Variants in EVI5 observed in about 807,000 individuals in gnomAD.
The protein encoded by EVI5 is ecotropic viral integration site 5.
EVI5 carries 73 observed loss-of-function variants against 112.0 expected under a neutral mutation model. The observed-to-expected ratio is 0.65, with a 90% CI of 0.54 to 0.79. The LOEUF is 0.79. Ranked by LOEUF, EVI5 falls within the 30% of genes least tolerant of loss-of-function variation. The pLI, the probability that EVI5 is intolerant of heterozygous loss-of-function variation, is 0.00. For missense variants in EVI5, 900 were observed against 968.8 expected, an observed-to-expected ratio of 0.93 and a Z score of 0.94; for synonymous variants, 305 against 319.9, an observed-to-expected ratio of 0.95 and a Z score of 0.50.
intron 4 of EVI5, among the ~76,000 whole-genome samples, 171 bp downstream of exon 4, chr1:92,703,224 T>G (rs1315664871): frequency 6.6e-6 from 1 of 152,078 alleles, no homozygotes; most frequent in Non-Finnish European, 1.5e-5. Context: ...AAGTTCTCTA[T>G]ACTAGATAGT....
chr1:92,714,474 G>A (rs1394224866), intron 2 of EVI5, among the ~76,000 whole-genome samples: 1 of 152,166 alleles, frequency 6.6e-6, no homozygotes, highest in East Asian at 1.9e-4. Context: ...AACCACAGAA[G>A]TAGAGAGAAT....
intron 19 of EVI5, among the ~76,000 whole-genome samples, chr1:92,561,594 T>TCTAC (rs1668571430): frequency 6.7e-6 from 1 of 149,022 alleles, no homozygotes; most frequent in Non-Finnish European, 1.5e-5. Context: ...TATCTATCTA[T>TCTAC]CTATCTAATC....
chr1:92,618,333 G>A (rs965626661), intron 16 of EVI5, among the ~76,000 whole-genome samples: 1 of 151,908 alleles, frequency 6.6e-6, no homozygotes, highest in African/African-American at 2.4e-5. Context: ...GCTACCACCA[G>A]AAGACACAAC....
chr1:92,636,459 T>C, intron 13 of EVI5, 123 bp from the exon 14 acceptor site: 1 of 736,328 alleles, frequency 1.4e-6, no homozygotes, highest in East Asian at 2.9e-5. Flanking sequence ...AGAAGTTCCA[T>C]CTACCCAATA....
At position 92,614,109 on chromosome 1, in the gene EVI5, A is replaced by G. The variant is rs148127441; in HGVS notation, c.1828-6382T>C. On this transcript the variant is annotated intron_variant, in intron 16 of 19. Coordinates refer to ENST00000684568, the MANE Select transcript of EVI5 (RefSeq NM_001350197.2). ...GTATTGCTAAGGGAATTTGAAGCCTATGGTGCACTGATGATACCACAGAAA... is the reference window on the plus strand; with the variant it reads ...GTATTGCTAAGGGAATTTGAAGCCTGTGGTGCACTGATGATACCACAGAAA... Among the ~76,000 whole-genome samples, 53 of 152,326 alleles carry G rather than the reference A, an allele frequency of 3.5e-4. No individual in the cohort carries two copies. The East Asian group carries it at 9.8e-3, about 28-fold the overall frequency.
intron 1 of EVI5, among the ~76,000 whole-genome samples, chr1:92,790,115 C>G (rs1019729272): frequency 1.3e-5 from 2 of 152,046 alleles, no homozygotes; most frequent in African/African-American, 4.8e-5. Flanking sequence ...AGTTTGAGGC[C>G]AGCCTGAGCA....
chr1:92,719,007 T>C (rs1047362945), intron 2 of EVI5, among the ~76,000 whole-genome samples: 7 of 152,258 alleles, frequency 4.6e-5, no homozygotes, highest in African/African-American at 1.7e-4. Context: ...AGAAGCCGAA[T>C]CTCTGAATAT....
At chr1:92,646,857 T>G (rs1045670064) in intron 13 of EVI5, among the ~76,000 whole-genome samples, 6 of 152,208 alleles carry the variant, frequency 3.9e-5, no homozygotes, top group African/African-American at 1.4e-4. Flanking sequence ...CAGACACACA[T>G]GACCACTTCA....
intron 1 of EVI5, among the ~76,000 whole-genome samples, chr1:92,765,919 A>G (rs563769875): frequency 1.0e-3 from 154 of 151,918 alleles, no homozygotes; most frequent in African/African-American, 3.6e-3. Flanking sequence ...CCACAAAAAA[A>G]TCTTTTAAAA....
rs556075967 is a variant in EVI5 at position 92,522,612 on chromosome 1, C to T, written c.2167-8642G>A. Among the ~76,000 whole-genome samples, 4 of 104,794 alleles carry T rather than the reference C, an allele frequency of 3.8e-5. No homozygotes were observed. The East Asian group carries it at 8.9e-4, about 23-fold the overall frequency. The allele number at this position is 104,794 out of a possible 152,430, so 68.7% of individuals were successfully genotyped here. A position where few individuals can be genotyped will look rare whatever the true frequency, so the allele number is the denominator to read the frequency against. On this transcript the variant is annotated intron_variant, in intron 19 of 19. Coordinates refer to ENST00000684568, the MANE Select transcript of EVI5 (RefSeq NM_001350197.2). Reference sequence around the variant, plus strand: ...CGCCACAGCACTCCAGCCTGGGTGACAGAGCAAGACTCCATCTCCAAAAAA... The same window carrying T: ...CGCCACAGCACTCCAGCCTGGGTGATAGAGCAAGACTCCATCTCCAAAAAA...
upstream of EVI5, among the ~76,000 whole-genome samples, chr1:92,788,398 CG>C (rs1685814469): frequency 6.6e-6 from 1 of 151,482 alleles, no homozygotes; most frequent in South Asian, 2.1e-4. Context: ...CACTTGAACC[CG>C]GGGGGCGGAG....
chr1:92,522,992 C>T (rs1661223799), intron 19 of EVI5, among the ~76,000 whole-genome samples: 1 of 152,096 alleles, frequency 6.6e-6, no homozygotes, highest in Admixed American at 6.5e-5. Flanking sequence ...CTACTAGCCT[C>T]AAGCAATTCC....
At chr1:92,522,616 G>A (rs1661136133) in intron 19 of EVI5, among the ~76,000 whole-genome samples, 1 of 98,754 alleles carries the variant, frequency 1.0e-5, no homozygotes, top group South Asian at 3.9e-4. Context: ...GGGTGACAGA[G>A]CAAGACTCCA....
intron 5 of EVI5, among the ~76,000 whole-genome samples, chr1:92,701,243 T>C (rs762080274): frequency 2.6e-5 from 4 of 152,226 alleles, no homozygotes; most frequent in Non-Finnish European, 5.9e-5. Context: ...TGCTTTTATC[T>C]ACCAGGATGT....
At chr1:92,588,984 T>G (rs374616024) in intron 18 of EVI5, among the ~76,000 whole-genome samples, 1 of 152,038 alleles carries the variant, frequency 6.6e-6, no homozygotes, top group East Asian at 1.9e-4. Flanking sequence ...GACAGAAAAA[T>G]TGAAAAGAAT....
Position 92,695,370 on chromosome 1 carries a change from GA to G in EVI5, c.848del (p.Ile283ThrfsTer23). On this transcript the variant is annotated frameshift_variant, in exon 7 of 20. Transcript: ENST00000684568. LOFTEE classifies it high-confidence loss of function. Reference sequence around the variant, plus strand: ...TTGGTAGTGGAAAAGTTGTAAGAAAGATAGTCAGAAACCAGGATGATGCATA... The same window carrying G: ...TTGGTAGTGGAAAAGTTGTAAGAAAGTAGTCAGAAACCAGGATGATGCATA... ...SMYASSWFLT[I>X]FLTTFPLPIA... The G allele has an allele frequency of 6.2e-7, 1 of 1,608,488 alleles. No individual in the cohort carries two copies. The highest frequency in any genetic ancestry group is 8.5e-7 in the Non-Finnish European group (1 of 1,175,150).
intron 1 of EVI5, among the ~76,000 whole-genome samples, 187 bp downstream of exon 1, chr1:92,784,649 G>A (rs950437755): frequency 6.6e-6 from 1 of 151,882 alleles, no homozygotes; most frequent in Admixed American, 6.5e-5. Flanking sequence ...CGGCGGCGGC[G>A]ACAGGCGAGG....
intron 13 of EVI5, among the ~76,000 whole-genome samples, chr1:92,653,717 A>G (rs1662544963): frequency 6.6e-6 from 1 of 152,236 alleles, no homozygotes; most frequent in South Asian, 2.1e-4. Context: ...CTCCATGCAG[A>G]GCAGCAGCGT....
intron 1 of EVI5, among the ~76,000 whole-genome samples, chr1:92,780,711 A>G (rs1037051860): frequency 2.4e-4 from 36 of 152,136 alleles, no homozygotes; most frequent in African/African-American, 8.2e-4. Context: ...GTCTATATAG[A>G]AAAAAGTGAA....
Sources: allele counts gnomAD v4.1 joint callset (sites outside exome capture counted in the v4.1 genomes callset), GRCh38; gene constraint gnomAD v4.1.1; transcripts MANE v1.5; gene names NCBI Gene and HGNC (gene_info 2026-07-23, HGNC 2026-07-21).